The following EPGN variants were observed in gnomAD, a reference collection of about 807,000 sequenced individuals.
EPGN encodes the protein epigen.
Under a neutral mutation model 20.7 loss-of-function variants are expected in EPGN, and 21 were observed. The ratio of observed to expected loss-of-function variants is 1.01; its 90% CI spans 0.72 to 1.46. The LOEUF (loss-of-function observed/expected upper bound fraction) is 1.46, where lower values mean the gene tolerates loss of function less well. EPGN is among the 40% of genes most tolerant of loss of function. The pLI is 0.00. For synonymous variants in EPGN, 69 were observed against 63.8 expected (o/e 1.08, Z -0.39); for missense variants, 199 against 180.7 (o/e 1.10, Z -0.58).
chr4:74,313,381 G>C, intron 4 of EPGN: 1 of 1,387,790 alleles, frequency 7.2e-7, no homozygotes, highest in Non-Finnish European at 9.2e-7. Context: ...TGTAATAGGA[G>C]AGTTCAAACG....
chr4:74,311,054 A>T (rs1198221899), intron 2 of EPGN, among the ~76,000 whole-genome samples: 2 of 151,770 alleles, frequency 1.3e-5, no homozygotes, highest in Admixed American at 6.6e-5. Context: ...TTTGTTTTTT[A>T]TCTAACTTAA....
chr4:74,309,264 G>A (rs1750736550), intron 2 of EPGN, 82 bp downstream of exon 2: 1 of 1,032,900 alleles, frequency 9.7e-7, no homozygotes, highest in Middle Eastern at 2.2e-4. Context: ...AAGCAATATT[G>A]GCCATTTTTA....
rs115313609 is a variant in EPGN at position 74,315,008 on chromosome 4, G to A, written c.*371G>A. 377 of 208,614 alleles carry A rather than the reference G, an allele frequency of 1.8e-3. 1 individual carries two copies. The highest frequency in any genetic ancestry group is 7.7e-3 in the African/African-American group (328 of 42,668). The allele number at this position is 208,614 out of a possible 1,614,324, so 12.9% of individuals were successfully genotyped here. A position where few individuals can be genotyped will look rare whatever the true frequency, so the allele number is the denominator to read the frequency against. The stretch of plus-strand genomic sequence containing the variant: ...TTGCAGCAAGCCAAAGCAATGCCTC[G>A]CTTGGGTTCTTCATGTTCTTACTAC... On this transcript the variant is annotated 3_prime_UTR_variant, in exon 5 of 5. Coordinates refer to ENST00000413830, the MANE Select transcript of EPGN (RefSeq NM_001270989.2).
At chr4:74,314,353 C>G (rs1017973166) in intron 4 of EPGN, 1 of 587,288 alleles carries the variant, frequency 1.7e-6, no homozygotes, top group African/African-American at 1.9e-5. Flanking sequence ...TGTAATCTCC[C>G]AGCAATCTCC....
chr4:74,310,461 C>CGA (rs779331977), intron 2 of EPGN, among the ~76,000 whole-genome samples: 5 of 43,190 alleles, frequency 1.2e-4, no homozygotes, highest in African/African-American at 3.0e-4. Context: ...GAGTCCGTCT[C>CGA]AAAAAAAAAA....
Position 74,313,075 on chromosome 4 carries a change from T to C in EPGN, c.312T>C (p.Ala104=). The change falls in exon 4 of 5, where the codon GCT becomes GCC. Residue 104 remains alanine, a synonymous_variant. Transcript: ENST00000413830. ...AGCACTTGACTTTAACTTCATATGC[T>C]GTGGATTCTTATGAAAAATACATTG... ...RCEHLTLTSY[A]VDSYEKYIAI... The C allele has an allele frequency of 1.9e-6, 3 of 1,613,394 alleles. No individual in the cohort carries two copies. Among genetic ancestry groups the C allele is most frequent in the Non-Finnish European group, 2.5e-6 (3 of 1,179,680 alleles).
chr4:74,314,285 G>A, intron 4 of EPGN: 1 of 513,916 alleles, frequency 1.9e-6, no homozygotes, highest in Non-Finnish European at 3.6e-6. Flanking sequence ...GAGGCATCTG[G>A]ATTTCAATAT....
intron 2 of EPGN, 122 bp downstream of exon 2, chr4:74,309,304 C>T (rs1750741143): frequency 3.1e-6 from 2 of 650,278 alleles, no homozygotes; most frequent in South Asian, 6.2e-5. Context: ...ATAATCAGCT[C>T]TTTTAGCAGG....
intron 2 of EPGN, among the ~76,000 whole-genome samples, chr4:74,309,387 A>G (rs1157950038): frequency 6.6e-6 from 1 of 152,222 alleles, no homozygotes; most frequent in East Asian, 1.9e-4. Context: ...AAGTTAAGCA[A>G]ATGAGACAAA....
At chr4:74,314,351 C>G in intron 4 of EPGN, 1 of 586,938 alleles carries the variant, frequency 1.7e-6, no homozygotes, top group Non-Finnish European at 3.0e-6. Context: ...CTTGTAATCT[C>G]CCAGCAATCT....
intron 2 of EPGN, among the ~76,000 whole-genome samples, chr4:74,311,672 C>T (rs1430640720): frequency 1.3e-5 from 2 of 152,122 alleles, no homozygotes; most frequent in Non-Finnish European, 2.9e-5. Flanking sequence ...GCATAAACAC[C>T]AAGAATGGCA....
chr4:74,312,689 G>A (rs957409828), intron 3 of EPGN, among the ~76,000 whole-genome samples: 1 of 152,160 alleles, frequency 6.6e-6, no homozygotes, highest in Non-Finnish European at 1.5e-5. Flanking sequence ...ACAGGAATAT[G>A]AAGTTCTAGA....
intron 2 of EPGN, among the ~76,000 whole-genome samples, chr4:74,310,901 T>G (rs1578785032): frequency 1.3e-5 from 2 of 152,168 alleles, no homozygotes; most frequent in Non-Finnish European, 2.9e-5. Flanking sequence ...GTACATGTTA[T>G]GTACAGATGC....
intron 2 of EPGN, among the ~76,000 whole-genome samples, chr4:74,309,960 A>G (rs16850898): frequency 0.066 from 10,017 of 152,178 alleles, 775 homozygotes; most frequent in African/African-American, 0.18. Context: ...ATAAAGGAAG[A>G]TTGTCATATC....
intron 2 of EPGN, among the ~76,000 whole-genome samples, chr4:74,310,720 C>T (rs1165390593): frequency 6.6e-6 from 1 of 152,024 alleles, no homozygotes; most frequent in Non-Finnish European, 1.5e-5. Flanking sequence ...TACCAAAATC[C>T]ACAGATGCTC....
intron 2 of EPGN, among the ~76,000 whole-genome samples, chr4:74,311,215 T>C (rs1394710121): frequency 1.3e-5 from 2 of 152,166 alleles, no homozygotes; most frequent in Non-Finnish European, 1.5e-5. Flanking sequence ...GCTTAGTTAA[T>C]CGAACTTGTT....
At chr4:74,314,508 G>A in intron 4 of EPGN, 72 bp from the exon 5 acceptor site, 1 of 1,424,378 alleles carries the variant, frequency 7.0e-7, no homozygotes, top group South Asian at 1.2e-5. Flanking sequence ...GCTGCAGGGT[G>A]CATTTATGTA....
At chr4:74,310,533 T>C (rs929490753) in intron 2 of EPGN, among the ~76,000 whole-genome samples, 1 of 151,064 alleles carries the variant, frequency 6.6e-6, no homozygotes, top group Non-Finnish European at 1.5e-5. Context: ...TTTCTCTCAA[T>C]GACTGACTTC....
chr4:74,314,457 C>T, intron 4 of EPGN, 123 bp from the exon 5 acceptor site: 2 of 923,236 alleles, frequency 2.2e-6, no homozygotes, highest in South Asian at 1.6e-5. Flanking sequence ...ATGGGTTGAC[C>T]AATGGGTAAA....
Sources: gnomAD v4.1 joint callset for allele counts (sites outside exome capture counted in the v4.1 genomes callset) on GRCh38, gnomAD v4.1.1 for gene constraint, MANE v1.5 for transcripts, NCBI Gene and HGNC (gene_info 2026-07-23, HGNC 2026-07-21) for gene names.